Variants in PCDHGB4 observed in about 807,000 individuals in gnomAD.
PCDHGB4 encodes the protein protocadherin gamma subfamily B, 4, also known as protocadherin gamma-B4.
PCDHGB4 carries 38 observed loss-of-function variants against 60.5 expected under a neutral mutation model. That is an observed-to-expected ratio of 0.63 (90% CI 0.48 to 0.82). The LOEUF is 0.82. Ranked by LOEUF, PCDHGB4 falls within the 40% of genes least tolerant of loss-of-function variation. The pLI is 0.00. For missense variants in PCDHGB4, 1,109 were observed against 1,209.6 expected (o/e 0.92, Z 1.23); for synonymous variants, 456 against 509.7 (o/e 0.89, Z 1.42).
chr5:141,421,916 G>T (rs754653877), intron 1 of PCDHGB4: 1 of 1,613,528 alleles, frequency 6.2e-7, no homozygotes. Flanking sequence ...GTTCCCATTC[G>T]TGTGGTGGTC....
intron 1 of PCDHGB4, among the ~76,000 whole-genome samples, chr5:141,447,752 G>T (rs2154561873): frequency 6.6e-6 from 1 of 152,280 alleles, no homozygotes; most frequent in Admixed American, 6.5e-5. Context: ...TCTTGCATGT[G>T]ACTGTATATA....
chr5:141,473,944 C>T (rs1279694347), intron 1 of PCDHGB4, among the ~76,000 whole-genome samples: 1 of 152,156 alleles, frequency 6.6e-6, no homozygotes, highest in Non-Finnish European at 1.5e-5. Context: ...TAGCTCAGGC[C>T]TGTAGTCCCA....
intron 1 of PCDHGB4, chr5:141,475,839 CAG>C: frequency 2.3e-6 from 1 of 433,254 alleles, no homozygotes; most frequent in Non-Finnish European, 4.1e-6. Flanking sequence ...GTGTCCTGCT[CAG>C]AGAGCCCGGC....
Position 141,477,167 on chromosome 5 carries a change from G to C in PCDHGB4, c.2398-17640G>C. The C allele has an allele frequency of 6.2e-7, 1 of 1,614,166 alleles. No individual in the cohort carries two copies. Among genetic ancestry groups the C allele is most frequent in the South Asian group, 1.1e-5 (1 of 91,076 alleles). ...TGTGGATGTGAATGACAACGCCCCG[G>C]AGATCACAGTCACCTCCGTGTACAG... On this transcript the variant is annotated intron_variant, in intron 1 of 3. Coordinates refer to ENST00000519479, the MANE Select transcript of PCDHGB4 (RefSeq NM_003736.4). The surrounding 1 kb of genome is among the most constrained non-coding windows in gnomAD (Gnocchi z 4.9).
At chr5:141,394,250 C>T (rs749533197) in intron 1 of PCDHGB4, 15 of 1,613,784 alleles carry the variant, frequency 9.3e-6, no homozygotes, top group Non-Finnish European at 1.0e-5. Flanking sequence ...CACACGACCC[C>T]GACAGCCAGG....
At chr5:141,399,450 C>T in intron 1 of PCDHGB4, 3 of 1,614,018 alleles carry the variant, frequency 1.9e-6, no homozygotes, top group Non-Finnish European at 1.7e-6. Context: ...TCAGAGACGT[C>T]AACGATAACG....
intron 1 of PCDHGB4, chr5:141,439,998 G>A (rs2098143949): frequency 6.5e-6 from 1 of 153,152 alleles, no homozygotes; most frequent in Non-Finnish European, 1.5e-5. Context: ...TTGGTGGTGG[G>A]AAACCTTGCC....
intron 1 of PCDHGB4, chr5:141,400,680 G>A (rs1452030965): frequency 1.4e-5 from 12 of 883,960 alleles, no homozygotes; most frequent in Admixed American, 5.5e-5. Context: ...GCAGTAAATT[G>A]TGAGTTTTTA....
chr5:141,431,375 G>C lies in PCDHGB4; in HGVS notation c.2397+41094G>C. ...ACGCGCCCTGGACCGCGAAGAAAAG[G>C]CTGCTCACCACCTGGTCCTTACGGC... On this transcript the variant is annotated intron_variant, in intron 1 of 3. Transcript: ENST00000519479. This position sits in a 1 kb window ranked among gnomAD's most constrained non-coding sequence, Gnocchi z 4.8. 6.2e-7 allele frequency: 1 copy of C among 1,613,422 alleles called. No individual in the cohort carries two copies. The highest frequency in any genetic ancestry group is 8.5e-7 in the Non-Finnish European group (1 of 1,179,570).
intron 1 of PCDHGB4, chr5:141,403,610 C>T: frequency 6.2e-7 from 1 of 1,613,860 alleles, no homozygotes; most frequent in Non-Finnish European, 8.5e-7. Context: ...TGGCGGCGAG[C>T]CGCGTCGCTC....
At chr5:141,428,196 C>A in intron 1 of PCDHGB4, 2 of 1,383,704 alleles carry the variant, frequency 1.4e-6, no homozygotes, top group Non-Finnish European at 2.0e-6. Context: ...CCGCTCTCTG[C>A]GCCGCTACGC....
At chr5:141,395,222 AG>A (rs2093199234) in intron 1 of PCDHGB4, 1 of 1,611,488 alleles carries the variant, frequency 6.2e-7, no homozygotes, top group African/African-American at 1.3e-5. Context: ...ATAAGAATGA[AG>A]CTGATCATGG....
chr5:141,416,452 A>T (rs2154546483), intron 1 of PCDHGB4: 1 of 152,342 alleles, frequency 6.6e-6, no homozygotes, highest in African/African-American at 2.4e-5. Flanking sequence ...ATGGGTTGGG[A>T]AGACAGATAA....
rs750774158 is a variant in PCDHGB4 at position 141,389,140 on chromosome 5, C to A, written c.1256C>A (p.Thr419Asn). 3.1e-6 allele frequency: 5 copies of A among 1,613,878 alleles called. No homozygotes were observed. In the Admixed American group the frequency reaches 8.3e-5, roughly 27 times the overall value. The change falls in exon 1 of 4, where the codon ACC (threonine) becomes AAC (asparagine). Residue 419 changes from threonine (T) to asparagine (N), a missense_variant. Thr to Asn is a moderately conservative substitution (Grantham distance 65). This residue lies in a region of PCDHGB4 where 1,068 missense variants were observed against 1,089.9 expected (regional missense o/e 0.98). Coordinates refer to ENST00000519479, the MANE Select transcript of PCDHGB4 (RefSeq NM_003736.4). ...GAGCAGAATCCAGAGTACAATATAA[C>A]CGTTACGGCAACAGATCGGGGCAAG... ...DREQNPEYNITVTATDRGKPP... is the reference protein window; with the variant it reads ...DREQNPEYNINVTATDRGKPP...
chr5:141,418,840 C>G, intron 1 of PCDHGB4: 1 of 1,614,006 alleles, frequency 6.2e-7, no homozygotes. Flanking sequence ...GAGGATCTCT[C>G]TCAACACGGT....
At chr5:141,478,816 A>G in intron 1 of PCDHGB4, 1 of 1,450,826 alleles carries the variant, frequency 6.9e-7, no homozygotes, top group Non-Finnish European at 9.1e-7. Context: ...TATCACAACT[A>G]ACCAATCTTG....
At chr5:141,497,665 G>A (rs1011161465) in intron 2 of PCDHGB4, among the ~76,000 whole-genome samples, 3 of 151,348 alleles carry the variant, frequency 2.0e-5, no homozygotes, top group South Asian at 2.1e-4. Flanking sequence ...TCAGCCTCCC[G>A]AGTAGCTGGG....
rs559433377 is a variant in PCDHGB4, at chr5:141,432,679, G to A, written c.2397+42398G>A. ...TGCTGGACAGAGACGCGCTCAAGCAGAGCCTCGTAGTGGCCGTCCAGGACC... is the reference window on the plus strand; with the variant it reads ...TGCTGGACAGAGACGCGCTCAAGCAAAGCCTCGTAGTGGCCGTCCAGGACC... On this transcript the variant is annotated intron_variant, in intron 1 of 3. Transcript: ENST00000519479. The surrounding 1 kb of genome is among the most constrained non-coding windows in gnomAD (Gnocchi z 6.0). The A allele has an allele frequency of 2.3e-4, 369 of 1,613,834 alleles. 1 individual carries two copies. The highest frequency in any genetic ancestry group is 1.7e-4 in the Middle Eastern group (1 of 6,056).
At chr5:141,496,050 G>A (rs1232836015) in intron 2 of PCDHGB4, among the ~76,000 whole-genome samples, 2 of 149,892 alleles carry the variant, frequency 1.3e-5, no homozygotes, top group Non-Finnish European at 3.0e-5. Flanking sequence ...ATTTTTTTGT[G>A]CTTGTGGGCA....
Sources: gnomAD v4.1 joint callset for allele counts (sites outside exome capture counted in the v4.1 genomes callset) on GRCh38, gnomAD v4.1.1 for gene constraint, gnomAD v4.1.1 regional missense constraint, Gnocchi (gnomAD v3.1) non-coding constraint, MANE v1.5 for transcripts, NCBI Gene and HGNC (gene_info 2026-07-23, HGNC 2026-07-21) for gene names.